Variants in KIF15 observed in about 807,000 individuals in gnomAD.
The protein encoded by KIF15 is kinesin family member 15, also known as kinesin-like protein KIF15.
A neutral mutation model predicts 190.6 loss-of-function variants in KIF15; 140 were observed. That is an observed-to-expected ratio of 0.73 (90% confidence interval 0.64 to 0.84). The LOEUF is 0.84. KIF15 is among the 40% of genes least tolerant of loss of function. KIF15 has a pLI of 0.00. For synonymous variants in KIF15, 528 were observed against 551.3 expected (o/e 0.96, Z 0.59); for missense variants, 1,372 against 1,584.4 (o/e 0.87, Z 2.28).
intron 17 of KIF15, 50 bp downstream of exon 17, chr3:44,811,093 C>T: frequency 2.2e-6 from 3 of 1,360,084 alleles, no homozygotes; most frequent in Non-Finnish European, 3.0e-6. Flanking sequence ...CATTTAAATA[C>T]ATTTGCTTTG....
chr3:44,814,755 T>A (rs1214614805), intron 19 of KIF15, among the ~76,000 whole-genome samples, 156 bp from the exon 20 acceptor site: 1 of 152,144 alleles, frequency 6.6e-6, no homozygotes, highest in East Asian at 1.9e-4. Context: ...AAAATAGAAA[T>A]CTCAGTGCTG....
chr3:44,774,331 T>C, intron 1 of KIF15, 64 bp from the exon 2 acceptor site: 2 of 1,437,578 alleles, frequency 1.4e-6, no homozygotes, highest in Non-Finnish European at 9.7e-7. Context: ...AGGAACATGT[T>C]AGAGAAGAAT....
At chr3:44,778,979 C>CA (rs60269306) in intron 4 of KIF15, among the ~76,000 whole-genome samples, 939 of 77,406 alleles carry the variant, frequency 0.012, 44 homozygotes, top group South Asian at 0.051. Flanking sequence ...GACTCCGCCT[C>CA]AAAAAAAAAA....
At chr3:44,827,601 T>G (rs535145590) in intron 23 of KIF15, 73 bp downstream of exon 23, 24 of 849,964 alleles carry the variant, frequency 2.8e-5, no homozygotes, top group Non-Finnish European at 4.5e-5. Context: ...AAAGGCTTAT[T>G]ATAATGATTT....
intron 2 of KIF15, 123 bp from the exon 3 acceptor site, chr3:44,775,131 T>A (rs1705813428): frequency 1.4e-6 from 1 of 730,384 alleles, no homozygotes; most frequent in Non-Finnish European, 2.3e-6. Context: ...TTGTATGGGA[T>A]ATGTCTTGGG....
chr3:44,830,007 C>A lies in KIF15; in HGVS notation c.2980C>A (p.Leu994Ile). Residue 994 changes from leucine to isoleucine, a missense_variant, in exon 25 of 35, where the codon CTA (leucine) becomes ATA (isoleucine). Transcript: ENST00000326047. The stretch of plus-strand genomic sequence containing the variant: ...TGACCTCATGAACCAGATCCAGGAG[C>A]TAAGAACATCGGTCTGTGAGAAAAC... Reference protein sequence around the residue: ...VADLMNQIQELRTSVCEKTET... With the variant: ...VADLMNQIQEIRTSVCEKTET... The A allele has an allele frequency of 6.3e-7, 1 of 1,597,380 alleles. No homozygotes were observed. Among genetic ancestry groups the A allele is most frequent in the Non-Finnish European group, 8.5e-7 (1 of 1,173,426 alleles).
chr3:44,858,535 G>A (rs1559600390), intron 6 of KIF15, among the ~76,000 whole-genome samples: 1 of 152,082 alleles, frequency 6.6e-6, no homozygotes, highest in East Asian at 1.9e-4. Context: ...AGGTGGGGGG[G>A]ATACGAGAGG....
chr3:44,840,991 TA>T, intron 28 of KIF15, 82 bp from the exon 29 acceptor site: 1 of 1,305,532 alleles, frequency 7.7e-7, no homozygotes, highest in Non-Finnish European at 1.1e-6. Flanking sequence ...GAATATTTTT[TA>T]TGTACTTGAC....
At chr3:44,766,879 C>T (rs1488106184) in intron 1 of KIF15, among the ~76,000 whole-genome samples, 44 of 123,106 alleles carry the variant, frequency 3.6e-4, no homozygotes, top group Non-Finnish European at 7.7e-5. Context: ...GGCGTGATCT[C>T]GGCTCACTGC....
At chr3:44,807,730 T>C (rs181029787) in intron 16 of KIF15, among the ~76,000 whole-genome samples, 14 of 152,056 alleles carry the variant, frequency 9.2e-5, no homozygotes, top group African/African-American at 3.1e-4. Flanking sequence ...TAAAGCAATA[T>C]TTTAGAGTTT....
chr3:44,789,642 T>TTATATATATATATATATA (rs56009369), intron 7 of KIF15, among the ~76,000 whole-genome samples: 3 of 113,614 alleles, frequency 2.6e-5, no homozygotes, highest in Non-Finnish European at 5.3e-5. Flanking sequence ...TTGTCTAATT[T>TTATATATATATATATATA]TATATATATA....
At chr3:44,865,421 C>T in intron 6 of KIF15, 1 of 504,802 alleles carries the variant, frequency 2.0e-6, no homozygotes, top group South Asian at 3.5e-5. Flanking sequence ...CCAGGCCTAC[C>T]CCAGTGAGCC....
chr3:44,866,986 C>T (rs1212097119), intron 6 of KIF15, among the ~76,000 whole-genome samples: 1 of 152,210 alleles, frequency 6.6e-6, no homozygotes, highest in Non-Finnish European at 1.5e-5. Flanking sequence ...CCATGGGGGC[C>T]AGGACAAAGC....
At position 44,848,360 on chromosome 3, in the gene KIF15, G is replaced by GTACT. The variant is rs1207123707; in HGVS notation, c.3769-155_3769-152dup. On this transcript the variant is annotated intron_variant, in intron 31 of 34. Transcript: ENST00000326047. ...ATAGTGCATGAAGTCTTGGAAATAGGTACTTACTTTATGTATGTGTAGCTG... is the reference window on the plus strand; with the variant it reads ...ATAGTGCATGAAGTCTTGGAAATAGGTACTTACTTACTTTATGTATGTGTAGCTG... 2.6e-5 allele frequency among the ~76,000 whole-genome samples: 4 copies of GTACT among 152,186 alleles called. No individual in the cohort carries two copies. The South Asian group carries it at 8.3e-4, about 31-fold the overall frequency.
Position 44,800,176 on chromosome 3 carries a change from T to C in KIF15, c.1099-138T>C, listed in dbSNP as rs1707197235. ...CCCCACTTGAGCACACTGTGATTCC[T>C]GTGTCCTTTTGACTATGATGTGGTC... On this transcript the variant is annotated intron_variant, in intron 10 of 34. Coordinates refer to ENST00000326047, the MANE Select transcript of KIF15 (RefSeq NM_020242.3). 8.3e-6 allele frequency: 6 copies of C among 725,836 alleles called. No individual in the cohort carries two copies. In the East Asian group the frequency reaches 8.6e-5, roughly 10 times the overall value. 45.0% of individuals were successfully genotyped at this position (725,836 alleles called of 1,614,324 possible). A position where few individuals can be genotyped will look rare whatever the true frequency, so the allele number is the denominator to read the frequency against.
At chr3:44,824,828 C>T (rs371916724) in intron 20 of KIF15, among the ~76,000 whole-genome samples, 18 of 152,302 alleles carry the variant, frequency 1.2e-4, no homozygotes, top group South Asian at 2.1e-4. Flanking sequence ...GGCATAAACA[C>T]GGCTTACTGC....
Position 44,826,070 on chromosome 3 carries a change from G to A in KIF15, c.2581G>A (p.Ala861Thr), listed in dbSNP as rs764184743. ...AAACGAAAAGCTGCTTGAGAGCAAA[G>A]CCTGCCTACAGGATTCCTATGACAA... is the stretch of plus-strand genomic sequence containing the variant. ...LENEKLLESK[A>T]CLQDSYDNLQ... is the part of the protein sequence containing the mutation. The change falls in exon 21 of 35, where the codon GCC (alanine) becomes ACC (threonine). Residue 861 changes from alanine (A) to threonine (T), a missense_variant. Physicochemically the swap from Ala to Thr is moderately conservative, Grantham distance 58. Coordinates refer to ENST00000326047, the MANE Select transcript of KIF15 (RefSeq NM_020242.3). The A allele has an allele frequency of 5.0e-6, 8 of 1,586,044 alleles. No individual in the cohort carries two copies. In the African/African-American group the frequency reaches 9.6e-5, roughly 19 times the overall value.
At chr3:44,804,711 G>A (rs1253712101) in intron 14 of KIF15, among the ~76,000 whole-genome samples, 1 of 152,016 alleles carries the variant, frequency 6.6e-6, no homozygotes, top group Non-Finnish European at 1.5e-5. Flanking sequence ...TGTATTTTAG[G>A]GCTCGCTTTC....
chr3:44,790,695 C>CTTTTTTTTTTT (rs56414094), intron 7 of KIF15, among the ~76,000 whole-genome samples: 6 of 97,966 alleles, frequency 6.1e-5, no homozygotes, highest in African/African-American at 1.2e-4. Flanking sequence ...TTTTCTGTTT[C>CTTTTTTTTTTT]TTTTTTTTTT....
Sources: allele counts gnomAD v4.1 joint callset (sites outside exome capture counted in the v4.1 genomes callset), GRCh38; gene constraint gnomAD v4.1.1; transcripts MANE v1.5; gene names NCBI Gene and HGNC (gene_info 2026-07-23, HGNC 2026-07-21).